Variants in JRK observed in about 807,000 individuals in gnomAD.
JRK encodes jerky protein homolog.
For missense variants in JRK, 720 were observed against 509.2 expected (o/e 1.41, Z -3.98); for synonymous variants, 303 against 218.1 (o/e 1.39, Z -3.43).
chr8:142,664,116 A>G lies in JRK; in HGVS notation c.*236T>C. The G allele has an allele frequency of 7.6e-7, 1 of 1,322,516 alleles. No homozygotes were observed. Among genetic ancestry groups the G allele is most frequent in the Non-Finnish European group, 9.6e-7 (1 of 1,039,974 alleles). 81.9% of individuals were successfully genotyped at this position (1,322,516 alleles called of 1,614,324 possible). ...AGGCTAGGGTGGACCCTTCCAAAAC[A>G]TTTCCTCACTTTCGGATGACACGGC... On this transcript the variant is annotated 3_prime_UTR_variant, in exon 2 of 2. Transcript: ENST00000612905.
At position 142,661,903 on chromosome 8, in the gene JRK, A is replaced by G; in HGVS notation, c.*2449T>C. 1.0e-6 allele frequency: 1 copy of G among 985,582 alleles called. No individual in the cohort carries two copies. The highest frequency in any genetic ancestry group is 1.2e-6 in the Non-Finnish European group (1 of 830,014). 61.1% of individuals were successfully genotyped at this position (985,582 alleles called of 1,614,324 possible). On this transcript the variant is annotated 3_prime_UTR_variant, in exon 2 of 2. Coordinates refer to ENST00000612905, the MANE Select transcript of JRK (RefSeq NM_003724.4). Reference sequence around the variant, plus strand: ...GTCTCCATAAAGCGTTCTGGGGGACAGGACCGAGGCAAGAGGTATGCACCA... The same window carrying G: ...GTCTCCATAAAGCGTTCTGGGGGACGGGACCGAGGCAAGAGGTATGCACCA...
At chr8:142,644,579 A>C in the JRK span, among the ~76,000 whole-genome samples, 1 of 152,214 alleles carries the variant, frequency 6.6e-6, no homozygotes, top group African/African-American at 2.4e-5. Context: ...AGAAAAAGAC[A>C]TAATTTATAA....
the JRK span, among the ~76,000 whole-genome samples, chr8:142,650,849 TA>T: frequency 6.6e-6 from 1 of 152,132 alleles, no homozygotes; most frequent in Admixed American, 6.5e-5. Context: ...CTATTTTAGT[TA>T]AAAAAATCAG....
In JRK at chr8:142,662,517, C is replaced by A; in HGVS notation, c.*1835G>T. 1.0e-6 allele frequency: 1 copy of A among 985,482 alleles called. No homozygotes were observed. The highest frequency in any genetic ancestry group is 1.7e-5 in the African/African-American group (1 of 57,360). The allele number at this position is 985,482 out of a possible 1,614,324, so 61.0% of individuals were successfully genotyped here. A position where few individuals can be genotyped will look rare whatever the true frequency, so the allele number is the denominator to read the frequency against. On this transcript the variant is annotated 3_prime_UTR_variant, in exon 2 of 2. Transcript: ENST00000612905. ...AATGAAGCAAACAGTGCGGGTGACACCACAAAGACAATGGGACACAAATGG... is the reference window on the plus strand; with the variant it reads ...AATGAAGCAAACAGTGCGGGTGACAACACAAAGACAATGGGACACAAATGG...
At chr8:142,669,283 G>A (rs1362347074) in intron 1 of JRK, among the ~76,000 whole-genome samples, 1 of 151,882 alleles carries the variant, frequency 6.6e-6, no homozygotes. Flanking sequence ...GGGAAGAGGT[G>A]AGCTGGGGGT....
Position 142,664,881 on chromosome 8 carries a change from T to G in JRK, c.1178A>C (p.Glu393Ala). Residue 393 changes from glutamate to alanine, a missense_variant, in exon 2 of 2, where the codon GAA becomes GCA. Glu to Ala is a moderately radical substitution (Grantham distance 107). Coordinates refer to ENST00000612905, the MANE Select transcript of JRK (RefSeq NM_003724.4). ...RKLWPSVAFA[E>A]GSSSEEELEA... ...CAACTCCTCCTCAGAGGAGGAGCCTTCGGCAAACGCAACCGACGGCCACAG... is the reference window on the plus strand; with the variant it reads ...CAACTCCTCCTCAGAGGAGGAGCCTGCGGCAAACGCAACCGACGGCCACAG... 2 of 1,347,018 alleles carry G rather than the reference T, an allele frequency of 1.5e-6. No individual in the cohort carries two copies. Among genetic ancestry groups the G allele is most frequent in the Non-Finnish European group, 1.1e-6 (1 of 940,194 alleles). The allele number at this position is 1,347,018 out of a possible 1,614,324, so 83.4% of individuals were successfully genotyped here.
At position 142,663,507 on chromosome 8, in the gene JRK, A is replaced by G. The variant is rs1339473356; in HGVS notation, c.*845T>C. On this transcript the variant is annotated 3_prime_UTR_variant, in exon 2 of 2. Coordinates refer to ENST00000612905, the MANE Select transcript of JRK (RefSeq NM_003724.4). Reference sequence around the variant, plus strand: ...ATGTCTGATCAAGACGTATTCATGTAAAGGCCATAAGTATGAAATTCTGGG... The same window carrying G: ...ATGTCTGATCAAGACGTATTCATGTGAAGGCCATAAGTATGAAATTCTGGG... The G allele has an allele frequency of 3.0e-6, 3 of 985,368 alleles. No homozygotes were observed. The East Asian group carries it at 3.4e-4, about 112-fold the overall frequency. The allele number at this position is 985,368 out of a possible 1,614,324, so 61.0% of individuals were successfully genotyped here.
chr8:142,651,760 T>C, the JRK span, among the ~76,000 whole-genome samples: 2 of 152,194 alleles, frequency 1.3e-5, no homozygotes, highest in Non-Finnish European at 2.9e-5. Flanking sequence ...GCTCTAACAG[T>C]AAGCAGAAAT....
chr8:142,658,710 T>A lies in JRK; in HGVS notation c.*5642A>T. On this transcript the variant is annotated 3_prime_UTR_variant, in exon 2 of 2. Coordinates refer to ENST00000612905, the MANE Select transcript of JRK (RefSeq NM_003724.4). ...GGTCAGGGTTTCAACATATAAACTT[T>A]GGGGGGGGACACAAACATGCAGTCC... The A allele has an allele frequency of 7.3e-7, 1 of 1,379,146 alleles. No individual in the cohort carries two copies. The highest frequency in any genetic ancestry group is 9.5e-7 in the Non-Finnish European group (1 of 1,048,424). 85.4% of individuals were successfully genotyped at this position (1,379,146 alleles called of 1,614,324 possible).
rs1228408202 is a variant in JRK at position 142,659,955 on chromosome 8, C to G, written c.*4397G>C. The G allele has an allele frequency of 9.1e-6, 9 of 985,502 alleles. No homozygotes were observed. The highest frequency in any genetic ancestry group is 1.7e-5 in the African/African-American group (1 of 57,232). 61.0% of individuals were successfully genotyped at this position (985,502 alleles called of 1,614,324 possible). A position where few individuals can be genotyped will look rare whatever the true frequency, so the allele number is the denominator to read the frequency against. On this transcript the variant is annotated 3_prime_UTR_variant, in exon 2 of 2. Coordinates refer to ENST00000612905, the MANE Select transcript of JRK (RefSeq NM_003724.4). Reference sequence around the variant, plus strand: ...CAACAGATGTGCAAGGTCTGAGGGTCCATGTGTAGAAGCAGAGGCCAGAGC... The same window carrying G: ...CAACAGATGTGCAAGGTCTGAGGGTGCATGTGTAGAAGCAGAGGCCAGAGC...
chr8:142,652,775 AAGAG>A (rs587622756), downstream of JRK, among the ~76,000 whole-genome samples: 1,217 of 152,318 alleles, frequency 8.0e-3, 19 homozygotes, highest in African/African-American at 0.028. Context: ...AACAAGAAAA[AAGAG>A]AAAGAGAGGT....
downstream of JRK, among the ~76,000 whole-genome samples, chr8:142,653,516 G>A (rs1477799470): frequency 6.6e-6 from 1 of 151,700 alleles, no homozygotes; most frequent in African/African-American, 2.4e-5. Flanking sequence ...TGAGACCACA[G>A]GGACGTGCCA....
At position 142,659,320 on chromosome 8, in the gene JRK, G is replaced by C. The variant is rs1846841301; in HGVS notation, c.*5032C>G. The C allele has an allele frequency of 9.9e-7, 1 of 1,005,786 alleles. No individual in the cohort carries two copies. Among genetic ancestry groups the C allele is most frequent in the Non-Finnish European group, 1.2e-6 (1 of 842,622 alleles). The allele number at this position is 1,005,786 out of a possible 1,614,324, so 62.3% of individuals were successfully genotyped here. A position where few individuals can be genotyped will look rare whatever the true frequency, so the allele number is the denominator to read the frequency against. ...GCCTGACCCCAGAGCAGACCATGCTGACACTGGGCAACACATTCCCTGCTC... is the reference window on the plus strand; with the variant it reads ...GCCTGACCCCAGAGCAGACCATGCTCACACTGGGCAACACATTCCCTGCTC... On this transcript the variant is annotated 3_prime_UTR_variant, in exon 2 of 2. Coordinates refer to ENST00000612905, the MANE Select transcript of JRK (RefSeq NM_003724.4).
Position 142,664,564 on chromosome 8 carries a change from G to A in JRK, c.1495C>T (p.Arg499Cys), listed in dbSNP as rs35419434. 74,553 of 1,607,844 alleles carry A rather than the reference G, an allele frequency of 0.046. 1,979 individuals carry two copies. Among genetic ancestry groups the A allele is most frequent in the Non-Finnish European group, 0.054 (63,359 of 1,178,120 alleles). The change falls in exon 2 of 2, where the codon CGC becomes TGC. Residue 499 changes from arginine to cysteine, a missense_variant. By Grantham distance (180) the Arg-to-Cys change is radical. Coordinates refer to ENST00000612905, the MANE Select transcript of JRK (RefSeq NM_003724.4). ...QAAVAFDAVL[R>C]FAERQPCFSA... Reference sequence around the variant, plus strand: ...AAGCATGGCTGCCGCTCCGCAAAGCGCAGGACTGCGTCAAAGGCCACGGCC... The same window carrying A: ...AAGCATGGCTGCCGCTCCGCAAAGCACAGGACTGCGTCAAAGGCCACGGCC...
Position 142,659,883 on chromosome 8 carries a change from G to A in JRK, c.*4469C>T, listed in dbSNP as rs1445869102. The A allele has an allele frequency of 4.1e-6, 4 of 985,486 alleles. No individual in the cohort carries two copies. Among genetic ancestry groups the A allele is most frequent in the Non-Finnish European group, 4.8e-6 (4 of 830,042 alleles). The allele number at this position is 985,486 out of a possible 1,614,324, so 61.0% of individuals were successfully genotyped here. On this transcript the variant is annotated 3_prime_UTR_variant, in exon 2 of 2. Transcript: ENST00000612905. ...GCCCCAGTCTCATCCCTAAACAGGA[G>A]TGACCCCACCTCATTTCATGTCATC...
chr8:142,664,598 C>T lies in JRK; in HGVS notation c.1461G>A (p.Trp487Ter). The change falls in exon 2 of 2, where the codon TGG becomes TGA. Residue 487 changes from tryptophan (W) to a stop codon, truncating the protein, a stop_gained. Transcript: ENST00000612905. LOFTEE classifies it low-confidence loss of function (END_TRUNC). ...CGTCAAAGGCCACGGCCGCCTGCTC[C>T]CAGGCCACCTCCTCGCCCTCACCAG... is the stretch of plus-strand genomic sequence containing the variant. ...GDPGEGEEVA[W>*]EQAAVAFDAV... The T allele has an allele frequency of 6.2e-7, 1 of 1,609,502 alleles. No individual in the cohort carries two copies.
rs1554635114 is a variant in JRK at position 142,664,472 on chromosome 8, C to T, written c.1587G>A (p.Arg529=). 1 of 1,611,394 alleles carries T rather than the reference C, an allele frequency of 6.2e-7. No homozygotes were observed. The highest frequency in any genetic ancestry group is 8.5e-7 in the Non-Finnish European group (1 of 1,179,116). The change falls in exon 2 of 2, where the codon AGG becomes AGA. Residue 529 remains arginine, a synonymous_variant. Coordinates refer to ENST00000612905, the MANE Select transcript of JRK (RefSeq NM_003724.4). ...RAVFRSQQQV[R]RRRGALGAVV... is the part of the protein sequence containing the mutation. ...CAGCCCCGAGGGCACCACGCCGCCTCCTCACCTGCTGCTGGCTCCGGAACA... is the reference window on the plus strand; with the variant it reads ...CAGCCCCGAGGGCACCACGCCGCCTTCTCACCTGCTGCTGGCTCCGGAACA...
rs1587520269 is a variant in JRK, at chr8:142,662,360, G to A, written c.*1992C>T. 2 of 985,392 alleles carry A rather than the reference G, an allele frequency of 2.0e-6. No homozygotes were observed. The highest frequency in any genetic ancestry group is 5.2e-4 in the Middle Eastern group (1 of 1,916). 61.0% of individuals were successfully genotyped at this position (985,392 alleles called of 1,614,324 possible). On this transcript the variant is annotated 3_prime_UTR_variant, in exon 2 of 2. Coordinates refer to ENST00000612905, the MANE Select transcript of JRK (RefSeq NM_003724.4). ...GATGTCCTACTGTTTCAGAGCCCTCGGGACATGTTCTAACCTCCTGTGTTG... is the reference window on the plus strand; with the variant it reads ...GATGTCCTACTGTTTCAGAGCCCTCAGGACATGTTCTAACCTCCTGTGTTG...
At chr8:142,644,801 AAAC>A in the JRK span, among the ~76,000 whole-genome samples, 23 of 152,370 alleles carry the variant, frequency 1.5e-4, no homozygotes, top group East Asian at 3.1e-3. Context: ...AAAATTTTAT[AAAC>A]AACTTATAAA....
Sources: gnomAD v4.1 joint callset for allele counts (sites outside exome capture counted in the v4.1 genomes callset) on GRCh38, gnomAD v4.1.1 for gene constraint, MANE v1.5 for transcripts, NCBI Gene and HGNC (gene_info 2026-07-23, HGNC 2026-07-21) for gene names.